Variants in TRPM1 observed in about 807,000 individuals in gnomAD.
TRPM1 encodes TRPM1-203 APA Isoform, Intron 10.
In TRPM1, 113 loss-of-function variants were observed where a neutral mutation model predicts 149.4. That is an observed-to-expected ratio of 0.76 (90% CI 0.65 to 0.88). The LOEUF (loss-of-function observed/expected upper bound fraction) is 0.88, where lower values mean the gene tolerates loss of function less well. Ranked by LOEUF, TRPM1 falls within the 40% of genes least tolerant of loss-of-function variation. TRPM1 has a pLI of 0.00. For synonymous variants in TRPM1, 741 were observed against 759.5 expected (o/e 0.98, Z 0.40); for missense variants, 1,976 against 2,038.7 (o/e 0.97, Z 0.59).
At chr15:31,140,918 T>A (rs1437784100) in intron 1 of TRPM1, among the ~76,000 whole-genome samples, 1 of 152,122 alleles carries the variant, frequency 6.6e-6, no homozygotes, top group African/African-American at 2.4e-5. Flanking sequence ...AACTCCTGGG[T>A]TCAAGTGATT....
At chr15:31,027,772 C>T (rs2032852167) in intron 25 of TRPM1, among the ~76,000 whole-genome samples, 1 of 152,162 alleles carries the variant, frequency 6.6e-6, no homozygotes, top group East Asian at 1.9e-4. Flanking sequence ...CTATATTTTT[C>T]ATCTTAGAAG....
In TRPM1 at chr15:31,137,062, C is replaced by A. The variant is rs548872086; in HGVS notation, c.54+23844G>T. 2.0e-5 allele frequency among the ~76,000 whole-genome samples: 3 copies of A among 152,256 alleles called. No homozygotes were observed. In the South Asian group the frequency reaches 6.2e-4, roughly 32 times the overall value. On this transcript the variant is annotated intron_variant, in intron 1 of 26. Coordinates refer to the TRPM1 transcript ENST00000542188. The stretch of plus-strand genomic sequence containing the variant: ...AGTTCTGCTCTCTTTTGCATTAGTG[C>A]TCTCTGATATTTTTGGCATTTGGAG...
At chr15:31,089,227 T>G (rs554864229) in intron 1 of TRPM1, among the ~76,000 whole-genome samples, 2 of 152,348 alleles carry the variant, frequency 1.3e-5, no homozygotes, top group South Asian at 4.1e-4. Flanking sequence ...TCTGACCATG[T>G]GGCCAGCGTG....
chr15:31,050,313 C>T, intron 12 of TRPM1, 96 bp downstream of exon 12: 1 of 1,584,860 alleles, frequency 6.3e-7, no homozygotes. Context: ...CTCCTGGGAT[C>T]AGGGCCCTGG....
At chr15:31,149,524 CTCTT>C (rs2036265737) in intron 1 of TRPM1, among the ~76,000 whole-genome samples, 1 of 128,844 alleles carries the variant, frequency 7.8e-6, no homozygotes, top group Admixed American at 8.3e-5. Flanking sequence ...ATCTCTCTCT[CTCTT>C]TTTTTTTTTT....
chr15:31,037,726 C>G lies in TRPM1; in HGVS notation c.2556G>C (p.Lys852Asn), dbSNP rs770124069. 2 of 1,614,190 alleles carry G rather than the reference C, an allele frequency of 1.2e-6. No individual in the cohort carries two copies. Among genetic ancestry groups the G allele is most frequent in the African/African-American group, 1.3e-5 (1 of 75,016 alleles). Residue 852 changes from lysine to asparagine, a missense_variant, in exon 20 of 28, where the codon AAG (lysine) becomes AAC (asparagine). Lys to Asn is a moderately conservative substitution (Grantham distance 94). This residue lies in a region of TRPM1 where 1,332 missense variants were observed against 1,347.1 expected (regional missense o/e 0.99). Transcript: ENST00000256552. ...ICEFYNAPIV[K>N]FWFYTISYLG... is the part of the protein sequence containing the mutation. ...GAGGCCTCACTGTGTAAAACCAGAACTTGACAATGGGCGCGTTATAGAATT... is the reference window on the plus strand; with the variant it reads ...GAGGCCTCACTGTGTAAAACCAGAAGTTGACAATGGGCGCGTTATAGAATT...
At chr15:31,153,831 C>A (rs550433956) in intron 1 of TRPM1, among the ~76,000 whole-genome samples, 13 of 152,322 alleles carry the variant, frequency 8.5e-5, no homozygotes, top group Non-Finnish European at 1.9e-4. Flanking sequence ...AAGTCTCAAA[C>A]TGATTGAGAC....
chr15:31,138,378 T>C (rs1383918510), intron 1 of TRPM1, among the ~76,000 whole-genome samples: 1 of 152,090 alleles, frequency 6.6e-6, no homozygotes, highest in Non-Finnish European at 1.5e-5. Context: ...AGCCCCTATT[T>C]CTACTTTAAA....
At chr15:31,152,393 A>T (rs971374822) in intron 1 of TRPM1, among the ~76,000 whole-genome samples, 2 of 152,186 alleles carry the variant, frequency 1.3e-5, no homozygotes, top group African/African-American at 4.8e-5. Flanking sequence ...GCCCTGGAAG[A>T]TGCTCCTGTG....
intron 1 of TRPM1, among the ~76,000 whole-genome samples, chr15:31,083,587 G>A (rs553138800): frequency 6.6e-4 from 101 of 152,316 alleles, no homozygotes; most frequent in African/African-American, 2.2e-3. Context: ...AAGCCTGCCA[G>A]CCAAAGCACA....
chr15:31,149,676 C>T (rs1176585986), intron 1 of TRPM1, among the ~76,000 whole-genome samples: 2 of 152,136 alleles, frequency 1.3e-5, no homozygotes, highest in Admixed American at 6.5e-5. Flanking sequence ...CCCGCCACCG[C>T]GCCTGGCTAA....
intron 1 of TRPM1, among the ~76,000 whole-genome samples, chr15:31,115,693 A>G (rs2035788766): frequency 6.6e-6 from 1 of 151,698 alleles, no homozygotes; most frequent in South Asian, 2.1e-4. Context: ...CCAGCAGGGG[A>G]TGGAGAAAAG....
At chr15:31,095,380 C>T (rs974955513) in intron 1 of TRPM1, among the ~76,000 whole-genome samples, 10 of 152,158 alleles carry the variant, frequency 6.6e-5, no homozygotes, top group African/African-American at 2.4e-4. Context: ...CAAATTTCAT[C>T]TCAATAAATT....
chr15:31,028,242 ATATT>A, intron 25 of TRPM1, 86 bp downstream of exon 25: 1 of 1,533,712 alleles, frequency 6.5e-7, no homozygotes. Context: ...ATCTGCAAAT[ATATT>A]GGTATCTTGG....
At chr15:31,149,731 G>A (rs1186665274) in intron 1 of TRPM1, among the ~76,000 whole-genome samples, 1 of 152,044 alleles carries the variant, frequency 6.6e-6, no homozygotes, top group Non-Finnish European at 1.5e-5. Context: ...GTGTTAGCCA[G>A]GATGGTCTCG....
chr15:31,132,210 T>C (rs1254506737), intron 1 of TRPM1, among the ~76,000 whole-genome samples: 2 of 152,184 alleles, frequency 1.3e-5, no homozygotes, highest in African/African-American at 4.8e-5. Context: ...CTGCCTCCCC[T>C]GGCCCCTCTG....
At position 31,060,806 on chromosome 15, in the gene TRPM1, G is replaced by T. The variant is rs544538650; in HGVS notation, c.1163-162C>A. 7.7e-4 allele frequency among the ~76,000 whole-genome samples: 118 copies of T among 152,354 alleles called. 1 individual carries two copies. In the South Asian group the frequency reaches 0.024, roughly 31 times the overall value. On this transcript the variant is annotated intron_variant, in intron 10 of 27. Transcript: ENST00000256552. ...TGAATGACCACAAAGGCTCCGAGCTGAAAGAGCTTCCCTGGAGGAAGGTGG... is the reference window on the plus strand; with the variant it reads ...TGAATGACCACAAAGGCTCCGAGCTTAAAGAGCTTCCCTGGAGGAAGGTGG...
chr15:31,142,571 C>T (rs550545442), intron 1 of TRPM1, among the ~76,000 whole-genome samples: 1 of 152,220 alleles, frequency 6.6e-6, no homozygotes, highest in South Asian at 2.1e-4. Context: ...TATGTTACTT[C>T]CTGTATTTTC....
In TRPM1 at chr15:31,056,009, A is replaced by G. The variant is rs558320587; in HGVS notation, c.1263+4535T>C. ...GCATCTGTGAGATGAAAATAGGCTA[A>G]TAAGAAAATAAAATTGTTAAGGAAC... On this transcript the variant is annotated intron_variant, in intron 11 of 27. Transcript: ENST00000256552. Among the ~76,000 whole-genome samples, 6 of 152,358 alleles carry G rather than the reference A, an allele frequency of 3.9e-5. No homozygotes were observed. In the East Asian group the frequency reaches 5.8e-4, roughly 15 times the overall value.
Sources: allele counts gnomAD v4.1 joint callset (sites outside exome capture counted in the v4.1 genomes callset), GRCh38; gene constraint gnomAD v4.1.1; regional missense constraint gnomAD v4.1.1; transcripts MANE v1.5; gene names NCBI Gene and HGNC (gene_info 2026-07-23, HGNC 2026-07-21).